NUMB: variants seen among roughly 807,000 people sequenced by gnomAD.
NUMB encodes NUMB endocytic adaptor protein, also known as protein numb homolog.
Under a neutral mutation model 59.7 loss-of-function variants are expected in NUMB, and 29 were observed. That is an observed-to-expected ratio of 0.49 (90% CI 0.36 to 0.66). The LOEUF is 0.66. Among genes scored for constraint, NUMB ranks in the 30% least tolerant of loss-of-function variants. The probability of loss-of-function intolerance (pLI) is 0.00; values close to 1 mark genes in which losing one functional copy is unlikely to be tolerated. For synonymous variants in NUMB, 288 were observed against 288.2 expected (o/e 1.00, Z 0.01); for missense variants, 723 against 822.0 (o/e 0.88, Z 1.47).
chr14:73,451,694 G>A (rs564932348), intron 1 of NUMB, among the ~76,000 whole-genome samples: 6 of 152,122 alleles, frequency 3.9e-5, no homozygotes, highest in African/African-American at 1.2e-4. Context: ...GTGACTAGAC[G>A]AAAGTATCAC....
chr14:73,299,563 CAT>C (rs763656417), intron 6 of NUMB, among the ~76,000 whole-genome samples: 39 of 102,696 alleles, frequency 3.8e-4, no homozygotes, highest in Non-Finnish European at 4.8e-4. Context: ...TCATATATGT[CAT>C]ATATATGACA....
chr14:73,427,622 A>G (rs1897645329), intron 1 of NUMB, among the ~76,000 whole-genome samples: 1 of 152,142 alleles, frequency 6.6e-6, no homozygotes, highest in African/African-American at 2.4e-5. Context: ...ACTGTACAAG[A>G]AAGAGAAAAC....
intron 2 of NUMB, among the ~76,000 whole-genome samples, chr14:73,370,548 C>T (rs1042138231): frequency 6.6e-6 from 1 of 152,020 alleles, no homozygotes; most frequent in Admixed American, 6.6e-5. Flanking sequence ...AAAAATTAGC[C>T]GGGCGTGATG....
At chr14:73,277,431 G>A (rs1415044570) in intron 12 of NUMB, 138 bp from the exon 13 acceptor site, 2 of 690,756 alleles carry the variant, frequency 2.9e-6, no homozygotes, top group Admixed American at 3.0e-5. Context: ...TGATAGGTAG[G>A]AGTAAAGTCT....
At chr14:73,314,228 A>G (rs1330121751) in intron 6 of NUMB, among the ~76,000 whole-genome samples, 1 of 152,214 alleles carries the variant, frequency 6.6e-6, no homozygotes. Context: ...TATACAGCAC[A>G]ATGATTAAGA....
At position 73,282,625 on chromosome 14, in the gene NUMB, T is replaced by G. The variant is rs1266738769; in HGVS notation, c.950-120A>C. 2.8e-6 allele frequency: 3 copies of G among 1,056,938 alleles called. No homozygotes were observed. The East Asian group carries it at 8.0e-5, about 28-fold the overall frequency. 65.5% of individuals were successfully genotyped at this position (1,056,938 alleles called of 1,614,324 possible). On this transcript the variant is annotated intron_variant, in intron 10 of 12. Transcript: ENST00000555238. ...CTGCTTATGTAAGAAAAGGCTCAAT[T>G]AACTGTATGGCAGGGCTACAAAACC...
chr14:73,277,592 G>T (rs1888266107), intron 12 of NUMB, among the ~76,000 whole-genome samples: 2 of 152,078 alleles, frequency 1.3e-5, no homozygotes. Context: ...CTGTTGCTAT[G>T]GCTCATCCAC....
At chr14:73,330,540 G>A (rs1256568743) in intron 4 of NUMB, among the ~76,000 whole-genome samples, 1 of 152,144 alleles carries the variant, frequency 6.6e-6, no homozygotes, top group Non-Finnish European at 1.5e-5. Flanking sequence ...ACTTGTCTGT[G>A]TATTACTTGT....
At chr14:73,311,270 C>T (rs572027695) in intron 6 of NUMB, among the ~76,000 whole-genome samples, 2 of 152,148 alleles carry the variant, frequency 1.3e-5, no homozygotes, top group South Asian at 2.1e-4. Context: ...TGGCCAGACT[C>T]GTCTTGAACT....
At chr14:73,325,910 AG>A in intron 4 of NUMB, among the ~76,000 whole-genome samples, 1 of 152,324 alleles carries the variant, frequency 6.6e-6, no homozygotes, top group East Asian at 1.9e-4. Flanking sequence ...TCTGTTTGGT[AG>A]AATGGTGATT....
intron 1 of NUMB, among the ~76,000 whole-genome samples, chr14:73,445,354 CAAAAAAA>C (rs752154048): frequency 1.7e-4 from 10 of 57,558 alleles, no homozygotes; most frequent in South Asian, 1.5e-3. Flanking sequence ...GACCCTGTCT[CAAAAAAA>C]AAAAAAAAAA....
chr14:73,405,788 GT>G (rs75689542), intron 2 of NUMB, among the ~76,000 whole-genome samples: 2 of 151,744 alleles, frequency 1.3e-5, no homozygotes, highest in South Asian at 4.2e-4. Context: ...GTTGTTTTGG[GT>G]TTTTTTTCTT....
At chr14:73,322,463 T>A (rs1427602968) in intron 5 of NUMB, among the ~76,000 whole-genome samples, 1 of 152,292 alleles carries the variant, frequency 6.6e-6, no homozygotes, top group African/African-American at 2.4e-5. Flanking sequence ...AGACTGTTTA[T>A]GTTAGAGGTG....
intron 3 of NUMB, among the ~76,000 whole-genome samples, chr14:73,366,412 T>C (rs1247273502): frequency 1.3e-5 from 2 of 152,220 alleles, no homozygotes; most frequent in African/African-American, 4.8e-5. Context: ...GATATTATGA[T>C]AATTTTCTTT....
chr14:73,366,020 T>G (rs760492959), intron 3 of NUMB, among the ~76,000 whole-genome samples: 6 of 152,222 alleles, frequency 3.9e-5, no homozygotes, highest in Admixed American at 6.5e-5. Flanking sequence ...ACATGAGGTT[T>G]TGGTTCTTGG....
chr14:73,414,309 G>A (rs919703014), intron 1 of NUMB, among the ~76,000 whole-genome samples: 10 of 152,260 alleles, frequency 6.6e-5, no homozygotes, highest in African/African-American at 2.4e-4. Context: ...GAGACTATAG[G>A]AAAGGCTTAT....
At chr14:73,334,454 TTACTC>T (rs1312400858) in intron 4 of NUMB, among the ~76,000 whole-genome samples, 3 of 152,202 alleles carry the variant, frequency 2.0e-5, no homozygotes, top group Non-Finnish European at 1.5e-5. Flanking sequence ...AGCACAGGAA[TTACTC>T]TTTGAGTGTT....
chr14:73,373,604 T>C (rs1048669930), intron 2 of NUMB, among the ~76,000 whole-genome samples: 2 of 152,076 alleles, frequency 1.3e-5, no homozygotes, highest in African/African-American at 2.4e-5. Context: ...TAGAAAAATT[T>C]TGAACAAGGT....
intron 2 of NUMB, among the ~76,000 whole-genome samples, chr14:73,371,631 C>T (rs1324738916): frequency 2.0e-5 from 3 of 151,942 alleles, no homozygotes; most frequent in Non-Finnish European, 4.4e-5. Flanking sequence ...TGAATAGGTC[C>T]CCCCCAAAAT....
Sources: allele counts gnomAD v4.1 joint callset (sites outside exome capture counted in the v4.1 genomes callset), GRCh38; gene constraint gnomAD v4.1.1; transcripts MANE v1.5; gene names NCBI Gene and HGNC (gene_info 2026-07-23, HGNC 2026-07-21).